Variants in RIC1 observed in about 807,000 individuals in gnomAD.
RIC1 encodes RIC1 partner of RAB6A GEF complex, also known as guanine nucleotide exchange factor subunit RIC1.
A neutral mutation model predicts 169.0 loss-of-function variants in RIC1; 88 were observed. The ratio of observed to expected loss-of-function variants is 0.52; its 90% CI spans 0.44 to 0.62. The LOEUF (loss-of-function observed/expected upper bound fraction) is 0.62, where lower values mean the gene tolerates loss of function less well. Ranked by LOEUF, RIC1 falls within the 20% of genes least tolerant of loss-of-function variation. The probability of loss-of-function intolerance (pLI) is 0.00; values close to 1 mark genes in which losing one functional copy is unlikely to be tolerated. For synonymous variants in RIC1, 790 were observed against 601.5 expected (o/e 1.31, Z -4.59); for missense variants, 1,877 against 1,725.5 (o/e 1.09, Z -1.56).
At chr9:5,637,511 T>G (rs143684007) in intron 1 of RIC1, among the ~76,000 whole-genome samples, 2 of 152,342 alleles carry the variant, frequency 1.3e-5, no homozygotes, top group African/African-American at 2.4e-5. Flanking sequence ...ATTAAATTAT[T>G]TTGACTGTAG....
Position 5,732,496 on chromosome 9 carries a change from C to A in RIC1, c.812+17C>A, listed in dbSNP as rs1390746027. Reference sequence around the variant, plus strand: ...CTGTGTGAGGTATAATTGATGTAGGCTTTTGCATTTTTAAGAGTTGTTGCA... The same window carrying A: ...CTGTGTGAGGTATAATTGATGTAGGATTTTGCATTTTTAAGAGTTGTTGCA... On this transcript the variant is annotated intron_variant, in intron 7 of 25. Coordinates refer to ENST00000414202, the MANE Select transcript of RIC1 (RefSeq NM_020829.4). 4 of 1,532,484 alleles carry A rather than the reference C, an allele frequency of 2.6e-6. No homozygotes were observed. Among genetic ancestry groups the A allele is most frequent in the African/African-American group, 1.4e-5 (1 of 70,910 alleles). 94.9% of individuals were successfully genotyped at this position (1,532,484 alleles called of 1,614,324 possible). A position where few individuals can be genotyped will look rare whatever the true frequency, so the allele number is the denominator to read the frequency against.
At chr9:5,741,864 A>G (rs13287462) in intron 8 of RIC1, among the ~76,000 whole-genome samples, 9 of 152,098 alleles carry the variant, frequency 5.9e-5, no homozygotes, top group Non-Finnish European at 1.2e-4. Flanking sequence ...TCCTTGAAGC[A>G]TATTTTTTGT....
chr9:5,677,602 TCA>T (rs1820529001), intron 2 of RIC1, among the ~76,000 whole-genome samples: 1 of 152,012 alleles, frequency 6.6e-6, no homozygotes, highest in Non-Finnish European at 1.5e-5. Context: ...ATTTTTGAAA[TCA>T]CACAGTGTTA....
At chr9:5,773,459 A>T (rs2131158761) in intron 25 of RIC1, among the ~76,000 whole-genome samples, 1 of 152,300 alleles carries the variant, frequency 6.6e-6, no homozygotes, top group African/African-American at 2.4e-5. Flanking sequence ...GGTCCATGTG[A>T]ATTTAACATT....
intron 4 of RIC1, among the ~76,000 whole-genome samples, chr9:5,716,859 G>T (rs1438951824): frequency 1.3e-5 from 2 of 152,036 alleles, no homozygotes; most frequent in African/African-American, 2.4e-5. Context: ...TTTTTTAGAG[G>T]TGGTAGTCTC....
intron 6 of RIC1, among the ~76,000 whole-genome samples, chr9:5,724,033 G>A (rs528030206): frequency 1.3e-5 from 2 of 152,116 alleles, no homozygotes; most frequent in African/African-American, 2.4e-5. Context: ...GATTGTCTTC[G>A]CAATGCAGGC....
chr9:5,743,177 C>G (rs117135476), intron 9 of RIC1, among the ~76,000 whole-genome samples, 164 bp downstream of exon 9: 4 of 152,252 alleles, frequency 2.6e-5, no homozygotes, highest in East Asian at 3.9e-4. Flanking sequence ...TCTGAACATT[C>G]ATTTTTTAAA....
At chr9:5,643,073 G>C in intron 1 of RIC1, among the ~76,000 whole-genome samples, 1 of 149,516 alleles carries the variant, frequency 6.7e-6, no homozygotes, top group South Asian at 2.1e-4. Flanking sequence ...GCCTAGGTGG[G>C]AGGATCACTT....
chr9:5,655,243 AG>A (rs1363613906), intron 1 of RIC1, among the ~76,000 whole-genome samples: 2 of 151,986 alleles, frequency 1.3e-5, no homozygotes, highest in Admixed American at 6.6e-5. Context: ...TATTCCCGAG[AG>A]GTTTTTTTAA....
chr9:5,721,137 A>G (rs531831489), intron 6 of RIC1, among the ~76,000 whole-genome samples: 12 of 151,880 alleles, frequency 7.9e-5, no homozygotes, highest in Non-Finnish European at 1.6e-4. Context: ...CTTCCACCAT[A>G]CTTATATTCT....
At chr9:5,741,859 G>A (rs529470624) in intron 8 of RIC1, among the ~76,000 whole-genome samples, 2 of 152,232 alleles carry the variant, frequency 1.3e-5, no homozygotes, top group Admixed American at 1.3e-4. Context: ...TGTTTTCCTT[G>A]AAGCATATTT....
rs184443669 is a variant in RIC1, at chr9:5,669,290, C to T, written c.252+12600C>T. Among the ~76,000 whole-genome samples the T allele has an allele frequency of 4.7e-4, 72 of 152,288 alleles. 1 individual carries two copies. The East Asian group carries it at 0.01, about 21-fold the overall frequency. On this transcript the variant is annotated intron_variant, in intron 2 of 25. Transcript: ENST00000414202. ...TCTTTTATCCCTCACCCGCCTCCCA[C>T]CCTTTTCCCTGAGTCCCCAAAGTCC...
chr9:5,651,738 A>T (rs1238320798), intron 1 of RIC1, among the ~76,000 whole-genome samples: 1 of 148,858 alleles, frequency 6.7e-6, no homozygotes, highest in Non-Finnish European at 1.5e-5. Flanking sequence ...TAATTTTTGT[A>T]TTTTTTTTTA....
Position 5,770,087 on chromosome 9 carries a change from T to C in RIC1, c.3425T>C (p.Val1142Ala). The C allele has an allele frequency of 1.9e-6, 3 of 1,609,940 alleles. No individual in the cohort carries two copies. The highest frequency in any genetic ancestry group is 2.5e-6 in the Non-Finnish European group (3 of 1,177,888). ...TTTTGTTTTCGGACCCACTCTGCAGTGGGAGAGCAGCTGTTAAAGTCTCAA... is the reference window on the plus strand; with the variant it reads ...TTTTGTTTTCGGACCCACTCTGCAGCGGGAGAGCAGCTGTTAAAGTCTCAA... ...SPFKNGKYRT[V>A]GEQLLKSQSA... The change falls in exon 23 of 26, where the codon GTG becomes GCG. Residue 1142 changes from valine to alanine, a missense_variant and splice_region_variant. Coordinates refer to ENST00000414202, the MANE Select transcript of RIC1 (RefSeq NM_020829.4).
chr9:5,652,689 T>C (rs1441562237), intron 1 of RIC1, among the ~76,000 whole-genome samples: 1 of 151,422 alleles, frequency 6.6e-6, no homozygotes, highest in Non-Finnish European at 1.5e-5. Flanking sequence ...TGGATACTTT[T>C]TATTCTTTTT....
chr9:5,658,067 T>A (rs999110894), intron 2 of RIC1, among the ~76,000 whole-genome samples: 1 of 152,130 alleles, frequency 6.6e-6, no homozygotes, highest in Non-Finnish European at 1.5e-5. Context: ...GTAACACAGT[T>A]GTAACTTCAT....
intron 2 of RIC1, among the ~76,000 whole-genome samples, chr9:5,669,256 A>G (rs1462587048): frequency 1.3e-5 from 2 of 152,054 alleles, no homozygotes; most frequent in Non-Finnish European, 2.9e-5. Flanking sequence ...CTGTGTACCC[A>G]ATTTGTAGTC....
chr9:5,656,630 T>C lies in RIC1; in HGVS notation c.192T>C (p.Thr64=). 1 of 1,610,842 alleles carries C rather than the reference T, an allele frequency of 6.2e-7. No individual in the cohort carries two copies. The highest frequency in any genetic ancestry group is 1.3e-5 in the African/African-American group (1 of 74,876). The change falls in exon 2 of 26, where the codon ACT becomes ACC. Residue 64 remains threonine, a synonymous_variant. Transcript: ENST00000414202. ...ACAAGGAGCCTGCAAAATCATCTACTCAGTTTGGATCCTACAAGCAAGCTG... is the reference window on the plus strand; with the variant it reads ...ACAAGGAGCCTGCAAAATCATCTACCCAGTTTGGATCCTACAAGCAAGCTG... ...VTYKEPAKSS[T]QFGSYKQAEW...
intron 3 of RIC1, among the ~76,000 whole-genome samples, chr9:5,703,638 A>G (rs562725754): frequency 2.6e-5 from 4 of 152,336 alleles, no homozygotes; most frequent in South Asian, 2.1e-4. Context: ...ATCACACACT[A>G]TGTACCTTTT....
Sources: allele counts gnomAD v4.1 joint callset (sites outside exome capture counted in the v4.1 genomes callset), GRCh38; gene constraint gnomAD v4.1.1; transcripts MANE v1.5; gene names NCBI Gene and HGNC (gene_info 2026-07-23, HGNC 2026-07-21).